TRPC3: variants seen among roughly 807,000 people sequenced by gnomAD.
TRPC3 encodes the protein short transient receptor potential channel 3.
TRPC3 carries 54 observed loss-of-function variants against 90.9 expected under a neutral mutation model. That is an observed-to-expected ratio of 0.59 (90% CI 0.48 to 0.75). TRPC3 has a LOEUF of 0.75. TRPC3 is among the 30% of genes least tolerant of loss of function. TRPC3 has a pLI of 0.00. For synonymous variants in TRPC3, 424 were observed against 450.9 expected (o/e 0.94, Z 0.75); for missense variants, 918 against 1,194.5 (o/e 0.77, Z 3.41).
At chr4:121,922,454 C>T (rs896451866) in intron 3 of TRPC3, among the ~76,000 whole-genome samples, 6 of 152,156 alleles carry the variant, frequency 3.9e-5, no homozygotes, top group African/African-American at 1.4e-4. Context: ...TGCAAAAGTC[C>T]TAAATCTCCT....
chr4:121,935,419 G>GGTGTGTGTGTGTGT (rs34252770), intron 1 of TRPC3, among the ~76,000 whole-genome samples: 18 of 147,334 alleles, frequency 1.2e-4, no homozygotes, highest in Middle Eastern at 7.1e-3. Context: ...ACATGTGTGG[G>GGTGTGTGTGTGTGT]GTGTGTGTGT....
At chr4:121,901,331 G>A (rs1728690916) in intron 9 of TRPC3, among the ~76,000 whole-genome samples, 1 of 152,196 alleles carries the variant, frequency 6.6e-6, no homozygotes, top group African/African-American at 2.4e-5. Flanking sequence ...CCGCACAGCT[G>A]AAGGTACACC....
chr4:121,888,676 C>T (rs571475040), intron 10 of TRPC3, among the ~76,000 whole-genome samples: 8 of 151,640 alleles, frequency 5.3e-5, no homozygotes, highest in East Asian at 3.9e-4. Flanking sequence ...GGATTACAGG[C>T]GTGAGCCACC....
intron 1 of TRPC3, among the ~76,000 whole-genome samples, chr4:121,943,941 T>A (rs1730405927): frequency 6.6e-6 from 1 of 152,116 alleles, no homozygotes; most frequent in African/African-American, 2.4e-5. Flanking sequence ...TTTAACTAGA[T>A]AATTGAAGAC....
In TRPC3 at chr4:121,903,203, G is replaced by T. The variant is rs1033369559; in HGVS notation, c.2254-142C>A. 1.5e-5 allele frequency: 10 copies of T among 647,818 alleles called. No homozygotes were observed. The Admixed American group carries it at 3.3e-4, about 22-fold the overall frequency. 40.1% of individuals were successfully genotyped at this position (647,818 alleles called of 1,614,324 possible). ...CACATTTATCTACATATATTCTATA[G>T]ACCTACACAATATTCTCATTTTTCA... On this transcript the variant is annotated intron_variant, in intron 8 of 11. Coordinates refer to ENST00000379645, the MANE Select transcript of TRPC3 (RefSeq NM_001130698.2).
intron 9 of TRPC3, among the ~76,000 whole-genome samples, chr4:121,900,690 A>C (rs1380889731): frequency 6.6e-6 from 1 of 152,238 alleles, no homozygotes; most frequent in African/African-American, 2.4e-5. Flanking sequence ...AATTTCTCCA[A>C]ATTTCTGCTG....
At position 121,902,859 on chromosome 4, in the gene TRPC3, T is replaced by C; in HGVS notation, c.2456A>G (p.Lys819Arg). ...KDIEMGMGNS[K>R]SRLNLFTQSN... is the part of the protein sequence containing the mutation. ...TAAGTTTTCGATACCTACCCTGGACTTTGAGTTACCCATTCCCATTTCTAT... is the reference window on the plus strand; with the variant it reads ...TAAGTTTTCGATACCTACCCTGGACCTTGAGTTACCCATTCCCATTTCTAT... Residue 819 changes from lysine to arginine, a missense_variant, in exon 9 of 12, where the codon AAG (lysine) becomes AGG (arginine). By Grantham distance (26) the Lys-to-Arg change is conservative (BLOSUM62 2). Transcript: ENST00000379645. The C allele has an allele frequency of 6.2e-7, 1 of 1,605,968 alleles. No individual in the cohort carries two copies. Among genetic ancestry groups the C allele is most frequent in the Non-Finnish European group, 8.5e-7 (1 of 1,176,768 alleles).
intron 1 of TRPC3, among the ~76,000 whole-genome samples, chr4:121,935,486 A>C (rs1180163621): frequency 6.6e-6 from 1 of 151,920 alleles, no homozygotes; most frequent in African/African-American, 2.4e-5. Context: ...CAAGAACTGC[A>C]TAGAAGAGAA....
chr4:121,932,618 C>A lies in TRPC3; in HGVS notation c.640G>T (p.Glu214Ter). The stretch of plus-strand genomic sequence containing the variant: ...GCGTAGAAGTCGTCGTCCTGCAGCT[C>A]CTGCTCACAGGGGCTCAGAGTGAGA... ...KRLTLSPCEQ[E>*]LQDDDFYAYD... is the part of the protein sequence containing the mutation. Residue 214 changes from glutamate to a stop codon, truncating the protein, a stop_gained, in exon 2 of 12, where the codon GAG becomes TAG. Transcript: ENST00000379645. LOFTEE classifies it high-confidence loss of function. This position sits in a 1 kb window ranked among gnomAD's most constrained non-coding sequence, Gnocchi z 7.7. The A allele has an allele frequency of 1.2e-6, 2 of 1,613,868 alleles. No individual in the cohort carries two copies. Among genetic ancestry groups the A allele is most frequent in the Non-Finnish European group, 1.7e-6 (2 of 1,179,810 alleles).
chr4:121,931,332 G>A (rs1177439056), intron 2 of TRPC3, among the ~76,000 whole-genome samples: 7 of 152,032 alleles, frequency 4.6e-5, no homozygotes, highest in African/African-American at 7.3e-5. Flanking sequence ...GTCTACAATC[G>A]TCTTTTTAGA....
At chr4:121,892,526 T>G (rs1728364444) in intron 10 of TRPC3, among the ~76,000 whole-genome samples, 1 of 152,194 alleles carries the variant, frequency 6.6e-6, no homozygotes, top group African/African-American at 2.4e-5. Context: ...GGAAAAAGCC[T>G]GGGTCCCTGA....
chr4:121,905,111 G>T (rs1728834336), intron 7 of TRPC3, among the ~76,000 whole-genome samples: 1 of 151,778 alleles, frequency 6.6e-6, no homozygotes, highest in African/African-American at 2.4e-5. Flanking sequence ...TTATATCAAA[G>T]ATACAGTAAA....
At position 121,932,827 on chromosome 4, in the gene TRPC3, T is replaced by C; in HGVS notation, c.431A>G (p.Asp144Gly). Residue 144 changes from aspartate (D) to glycine (G), a missense_variant, in exon 2 of 12, where the codon GAC (aspartate) becomes GGC (glycine). Coordinates refer to ENST00000379645, the MANE Select transcript of TRPC3 (RefSeq NM_001130698.2). The surrounding 1 kb of genome is among the most constrained non-coding windows in gnomAD (Gnocchi z 7.7). The part of the protein sequence containing the change: ...ESKTLNVNCV[D>G]YMGQNALQLA... ...CTGCAGCGCGTTCTGGCCCATGTAG[T>C]CCACGCAGTTGACGTTCAGCGTCTT... The C allele has an allele frequency of 6.2e-7, 1 of 1,609,842 alleles. No homozygotes were observed. Among genetic ancestry groups the C allele is most frequent in the Non-Finnish European group, 8.5e-7 (1 of 1,176,784 alleles).
rs368541827 is a variant in TRPC3, at chr4:121,917,368, T to C, written c.1177-2424A>G. Among the ~76,000 whole-genome samples the C allele has an allele frequency of 1.1e-4, 17 of 152,356 alleles. 1 individual carries two copies. In the East Asian group the frequency reaches 2.5e-3, roughly 22 times the overall value. Reference sequence around the variant, plus strand: ...AACTTCCACTTCTGCTCCTGTACTATATTTAGATCATTTCCTTCCTGCTTC... The same window carrying C: ...AACTTCCACTTCTGCTCCTGTACTACATTTAGATCATTTCCTTCCTGCTTC... On this transcript the variant is annotated intron_variant, in intron 3 of 11. Transcript: ENST00000379645.
chr4:121,903,782 G>C (rs1022839290), intron 8 of TRPC3, among the ~76,000 whole-genome samples: 2 of 152,168 alleles, frequency 1.3e-5, no homozygotes, highest in African/African-American at 4.8e-5. Flanking sequence ...AACATACATA[G>C]AGATTTGGTG....
intron 2 of TRPC3, among the ~76,000 whole-genome samples, chr4:121,930,026 G>C (rs1052337958): frequency 2.6e-5 from 4 of 152,102 alleles, no homozygotes; most frequent in African/African-American, 7.2e-5. Context: ...CAGGGTCAGT[G>C]CTATGAAAGC....
At chr4:121,911,112 G>T (rs935125837) in intron 5 of TRPC3, among the ~76,000 whole-genome samples, 5 of 152,148 alleles carry the variant, frequency 3.3e-5, no homozygotes, top group Non-Finnish European at 7.4e-5. Context: ...TGGCTTAAAA[G>T]AAAATGTATA....
intron 11 of TRPC3, among the ~76,000 whole-genome samples, chr4:121,880,409 T>C (rs1010939639): frequency 1.3e-5 from 2 of 152,144 alleles, no homozygotes; most frequent in East Asian, 3.9e-4. Context: ...GCAATGGCAA[T>C]GGACATGAAG....
intron 1 of TRPC3, among the ~76,000 whole-genome samples, chr4:121,943,685 G>A (rs1234023251): frequency 1.3e-5 from 2 of 151,930 alleles, no homozygotes; most frequent in Non-Finnish European, 2.9e-5. Context: ...ACTGACCCAA[G>A]AGAAGTTCAT....
Sources: allele counts gnomAD v4.1 joint callset (sites outside exome capture counted in the v4.1 genomes callset), GRCh38; gene constraint gnomAD v4.1.1; non-coding constraint Gnocchi (gnomAD v3.1); transcripts MANE v1.5; gene names NCBI Gene and HGNC (gene_info 2026-07-23, HGNC 2026-07-21).